Variants in TNN observed in about 807,000 individuals in gnomAD.
TNN encodes tenascin N, also known as tenascin-N.
A neutral mutation model predicts 134.4 loss-of-function variants in TNN; 122 were observed. That is an observed-to-expected ratio of 0.91 (90% confidence interval 0.78 to 1.06). The LOEUF (loss-of-function observed/expected upper bound fraction) is 1.06. Among genes scored for constraint, TNN ranks in the 50% least tolerant of loss-of-function variants. The pLI is 0.00. For synonymous variants in TNN, 710 were observed against 670.3 expected (o/e 1.06, Z -0.91); for missense variants, 1,739 against 1,699.4 (o/e 1.02, Z -0.41).
intron 16 of TNN, among the ~76,000 whole-genome samples, chr1:175,136,235 G>A (rs1233214088): frequency 1.3e-5 from 2 of 152,158 alleles, no homozygotes; most frequent in Non-Finnish European, 2.9e-5. Flanking sequence ...AAAGTTCAGT[G>A]ATTGGGATGC....
rs548720655 is a variant in TNN, at chr1:175,097,455, A to G, written c.1627A>G (p.Thr543Ala). 3 of 1,614,230 alleles carry G rather than the reference A, an allele frequency of 1.9e-6. No individual in the cohort carries two copies. In the Admixed American group the frequency reaches 5.0e-5, roughly 27 times the overall value. The stretch of plus-strand genomic sequence containing the variant: ...AGCAAACCTGGTGACTGACCGGGTG[A>G]CTGAGAATACCGCCACCATCTCCTG... The part of the protein sequence containing the change: ...SPANLVTDRV[T>A]ENTATISWDP... Residue 543 changes from threonine (T) to alanine (A), a missense_variant, in exon 8 of 19, where the codon ACT (threonine) becomes GCT (alanine). Coordinates refer to ENST00000239462, the MANE Select transcript of TNN (RefSeq NM_022093.2).
chr1:175,109,351 G>A (rs1226479934), intron 9 of TNN, among the ~76,000 whole-genome samples: 5 of 151,410 alleles, frequency 3.3e-5, no homozygotes, highest in Admixed American at 1.3e-4. Context: ...GCCTCCCAAA[G>A]TGCTGGGATT....
In TNN at chr1:175,133,050, G is replaced by A. The variant is rs11812038; in HGVS notation, c.3331-2795G>A. ...GCTTCTGCATCTGAATGAATGCAAA[G>A]AAAAATAGGCAGAGAGAGAAATGCA... On this transcript the variant is annotated intron_variant, in intron 15 of 18. Transcript: ENST00000239462. Among the ~76,000 whole-genome samples the A allele has an allele frequency of 8.3e-3, 1,267 of 152,342 alleles. 16 individuals are homozygous for A. Among genetic ancestry groups the A allele is most frequent in the African/African-American group, 0.029 (1,217 of 41,568 alleles).
At chr1:175,098,139 T>G (rs556881382) in intron 8 of TNN, among the ~76,000 whole-genome samples, 193 bp from the exon 9 acceptor site, 13 of 152,328 alleles carry the variant, frequency 8.5e-5, no homozygotes, top group Middle Eastern at 3.4e-3. Context: ...GAATGCCTCA[T>G]TTATAATGAT....
At chr1:175,111,948 T>A (rs566872067) in intron 9 of TNN, among the ~76,000 whole-genome samples, 1 of 152,358 alleles carries the variant, frequency 6.6e-6, no homozygotes, top group Admixed American at 6.5e-5. Context: ...CAGGGACAAT[T>A]TGGCTTCCTC....
intron 11 of TNN, among the ~76,000 whole-genome samples, chr1:175,121,520 T>TA (rs1050288710): frequency 4.5e-4 from 69 of 152,296 alleles, no homozygotes; most frequent in African/African-American, 1.7e-3. Flanking sequence ...AGTGTTCATT[T>TA]AAAAAACATT....
intron 9 of TNN, among the ~76,000 whole-genome samples, chr1:175,116,057 A>T (rs538777457): frequency 1.5e-4 from 22 of 151,282 alleles, no homozygotes; most frequent in African/African-American, 4.4e-4. Flanking sequence ...TTTTTTTTTT[A>T]AATGTCGTTG....
intron 5 of TNN, 115 bp downstream of exon 5, chr1:175,084,050 C>A: frequency 9.3e-7 from 1 of 1,073,348 alleles, no homozygotes; most frequent in Non-Finnish European, 1.3e-6. Context: ...GCCCAGGGGC[C>A]TTAGGAATCA....
rs10912897 is a variant in TNN at position 175,144,442 on chromosome 1, T to C, written c.3651T>C (p.Asn1217=). 1,561,198 of 1,614,158 alleles carry C rather than the reference T, an allele frequency of 0.97. 755,062 individuals are homozygous for C. The highest frequency in any genetic ancestry group is 0.99 in the East Asian group (44,611 of 44,872). Residue 1217 remains asparagine (N), a synonymous_variant, in exon 18 of 19, where the codon AAT becomes AAC. Coordinates refer to ENST00000239462, the MANE Select transcript of TNN (RefSeq NM_022093.2). ...AGTTTACAACTTTTGACAGAGACAA[T>C]GATATCGCACTCAGCAACTGTGCCC... ...GWKFTTFDRD[N]DIALSNCALT...
At position 175,147,001 on chromosome 1, in the gene TNN, A is replaced by G. The variant is rs771485115; in HGVS notation, c.3830A>G (p.His1277Arg). Residue 1277 changes from histidine to arginine, a missense_variant, in exon 19 of 19, where the codon CAT (histidine) becomes CGT (arginine). By Grantham distance (29) the His-to-Arg change is conservative. Coordinates refer to ENST00000239462, the MANE Select transcript of TNN (RefSeq NM_022093.2). The part of the protein sequence containing the change: ...IPYVELKIRP[H>R]GYSREPVLGR... ...TACGTGGAGTTGAAAATCCGCCCTCATGGCTACAGCAGGGAGCCTGTCCTG... is the reference window on the plus strand; with the variant it reads ...TACGTGGAGTTGAAAATCCGCCCTCGTGGCTACAGCAGGGAGCCTGTCCTG... 1 of 1,602,954 alleles carries G rather than the reference A, an allele frequency of 6.2e-7. No homozygotes were observed. Among genetic ancestry groups the G allele is most frequent in the East Asian group, 2.2e-5 (1 of 44,552 alleles).
intron 12 of TNN, among the ~76,000 whole-genome samples, chr1:175,126,656 C>T (rs1453569566): frequency 4.6e-5 from 7 of 152,120 alleles, no homozygotes; most frequent in African/African-American, 1.7e-4. Context: ...ATCTATCTGC[C>T]AATCTAGGCT....
At chr1:175,116,881 G>T (rs1435916963) in intron 9 of TNN, 58 bp from the exon 10 acceptor site, 1 of 1,611,720 alleles carries the variant, frequency 6.2e-7, no homozygotes, top group African/African-American at 1.3e-5. Context: ...AAAATGCCCA[G>T]ATCTCACTCT....
chr1:175,111,503 A>G (rs1319497144), intron 9 of TNN, among the ~76,000 whole-genome samples: 1 of 144,214 alleles, frequency 6.9e-6, no homozygotes, highest in Non-Finnish European at 1.5e-5. Context: ...AAAAAAAAAA[A>G]AAAAAAAAAA....
At chr1:175,108,345 A>T (rs538177503) in intron 9 of TNN, among the ~76,000 whole-genome samples, 31 of 152,338 alleles carry the variant, frequency 2.0e-4, no homozygotes, top group Non-Finnish European at 3.4e-4. Flanking sequence ...TCTGAGCTAG[A>T]TATAAAGACT....
intron 11 of TNN, among the ~76,000 whole-genome samples, chr1:175,119,088 A>G (rs981733741): frequency 2.0e-5 from 3 of 152,272 alleles, no homozygotes; most frequent in Non-Finnish European, 4.4e-5. Context: ...GATCTTGTGC[A>G]AGAAAGAGTT....
chr1:175,068,746 A>T (rs1673852692), intron 1 of TNN, among the ~76,000 whole-genome samples: 1 of 152,152 alleles, frequency 6.6e-6, no homozygotes, highest in Non-Finnish European at 1.5e-5. Flanking sequence ...GTCTCTACTA[A>T]AAATACAAAA....
At chr1:175,121,621 CA>C (rs1330397823) in intron 11 of TNN, among the ~76,000 whole-genome samples, 1 of 152,084 alleles carries the variant, frequency 6.6e-6, no homozygotes, top group Non-Finnish European at 1.5e-5. Context: ...AGTCTGGGTG[CA>C]AAATGCTGCT....
At chr1:175,070,501 A>G (rs1417450039) in intron 1 of TNN, among the ~76,000 whole-genome samples, 1 of 152,108 alleles carries the variant, frequency 6.6e-6, no homozygotes, top group East Asian at 1.9e-4. Context: ...CTTCCTGGAC[A>G]CTCCCTGGGT....
intron 12 of TNN, among the ~76,000 whole-genome samples, chr1:175,125,755 TTCTC>T (rs1277752415): frequency 8.4e-5 from 8 of 95,250 alleles, no homozygotes; most frequent in East Asian, 3.5e-4. Flanking sequence ...CTTTCTTTCT[TTCTC>T]TCTCTCTCCC....
Sources: allele counts gnomAD v4.1 joint callset (sites outside exome capture counted in the v4.1 genomes callset), GRCh38; gene constraint gnomAD v4.1.1; transcripts MANE v1.5; gene names NCBI Gene and HGNC (gene_info 2026-07-23, HGNC 2026-07-21).